The following GPBP1L1 variants were observed in gnomAD, a reference collection of about 807,000 sequenced individuals.
GPBP1L1 encodes the protein vasculin-like protein 1.
In GPBP1L1, 23 loss-of-function variants were observed where a neutral mutation model predicts 52.5. The ratio of observed to expected loss-of-function variants is 0.44; its 90% CI spans 0.32 to 0.62. The LOEUF is 0.62. Ranked by LOEUF, GPBP1L1 falls within the 20% of genes least tolerant of loss-of-function variation. GPBP1L1 has a pLI of 0.06. For synonymous variants in GPBP1L1, 243 were observed against 203.1 expected (o/e 1.20, Z -1.67); for missense variants, 596 against 579.3 (o/e 1.03, Z -0.30).
At chr1:45,638,161 C>T (rs1644620147) in intron 8 of GPBP1L1, among the ~76,000 whole-genome samples, 1 of 152,188 alleles carries the variant, frequency 6.6e-6, no homozygotes, top group Non-Finnish European at 1.5e-5. Context: ...TTTATTCCCA[C>T]ATATTTCTTC....
Position 45,654,642 on chromosome 1 carries a change from G to A in GPBP1L1, c.378C>T (p.Ser126=), listed in dbSNP as rs756642493. 2.0e-5 allele frequency: 33 copies of A among 1,613,958 alleles called. No homozygotes were observed. The highest frequency in any genetic ancestry group is 2.6e-5 in the Non-Finnish European group (31 of 1,180,010). The change falls in exon 6 of 13, where the codon TCC becomes TCT. Residue 126 remains serine (S), a synonymous_variant. Coordinates refer to ENST00000355105, the MANE Select transcript of GPBP1L1 (RefSeq NM_021639.5). ...TTTCCTGAAAAGCACACCCTTTCCG[G>A]GAGTGGAAGCTGCCATTCCAATGGC... ...NHRHWNGSFH[S]RKGCAFQEKP...
chr1:45,642,715 T>C (rs1644689870), intron 6 of GPBP1L1, among the ~76,000 whole-genome samples: 1 of 152,256 alleles, frequency 6.6e-6, no homozygotes, highest in South Asian at 2.1e-4. Context: ...CTCCTGAGTT[T>C]CATTTCCTTT....
intron 6 of GPBP1L1, among the ~76,000 whole-genome samples, chr1:45,645,620 T>TA (rs897735682): frequency 1.3e-5 from 2 of 152,208 alleles, no homozygotes; most frequent in African/African-American, 2.4e-5. Flanking sequence ...AACTCTCTTT[T>TA]AACCCTCATT....
At chr1:45,633,738 A>G in intron 9 of GPBP1L1, 91 bp from the exon 10 acceptor site, 2 of 1,306,914 alleles carry the variant, frequency 1.5e-6, no homozygotes, top group Admixed American at 2.4e-5. Context: ...AGAATCTGGT[A>G]GCCTATTTAT....
intron 10 of GPBP1L1, among the ~76,000 whole-genome samples, chr1:45,631,194 A>G (rs1418380139): frequency 6.6e-6 from 1 of 152,226 alleles, no homozygotes; most frequent in African/African-American, 2.4e-5. Context: ...TAAAACTCCT[A>G]TAAGGATAAC....
At chr1:45,658,424 T>C (rs1644908917) in intron 4 of GPBP1L1, among the ~76,000 whole-genome samples, 1 of 152,056 alleles carries the variant, frequency 6.6e-6, no homozygotes, top group Admixed American at 6.6e-5. Flanking sequence ...AACACTTAAC[T>C]GTGTCATGTA....
chr1:45,641,816 A>T (rs1644678368), intron 7 of GPBP1L1: 1 of 113,564 alleles, frequency 8.8e-6, no homozygotes, highest in African/African-American at 2.8e-5. Flanking sequence ...CTCCATCTCA[A>T]AAAAAAAAAA....
chr1:45,635,674 A>G (rs1428158345), intron 8 of GPBP1L1: 1 of 152,216 alleles, frequency 6.6e-6, no homozygotes, highest in Non-Finnish European at 1.5e-5. Flanking sequence ...ATTAAAGTGA[A>G]TTGTATAACC....
intron 8 of GPBP1L1, among the ~76,000 whole-genome samples, chr1:45,638,433 TTATTTTCCTCAAC>T (rs1014452369): frequency 1.3e-5 from 2 of 152,208 alleles, no homozygotes; most frequent in Non-Finnish European, 2.9e-5. Context: ...TTTTTCTCAG[TTATTTTCCTCAAC>T]TTGTTACCCC....
chr1:45,673,206 G>A (rs1295993431), intron 2 of GPBP1L1, among the ~76,000 whole-genome samples: 1 of 152,154 alleles, frequency 6.6e-6, no homozygotes, highest in Non-Finnish European at 1.5e-5. Context: ...CAGAACACGT[G>A]GGTACTAATG....
intron 8 of GPBP1L1, among the ~76,000 whole-genome samples, chr1:45,637,117 C>G (rs982460608): frequency 9.2e-5 from 14 of 152,194 alleles, no homozygotes; most frequent in Admixed American, 8.5e-4. Context: ...CCTCCCCAGG[C>G]AGAGAAGCAC....
At chr1:45,683,057 G>GT (rs35542665) in intron 2 of GPBP1L1, among the ~76,000 whole-genome samples, 199 of 145,172 alleles carry the variant, frequency 1.4e-3, no homozygotes, top group Non-Finnish European at 1.3e-3. Context: ...TTTCCCATTA[G>GT]TTTTTTTTTT....
intron 2 of GPBP1L1, among the ~76,000 whole-genome samples, chr1:45,680,624 T>C (rs1429073882): frequency 6.6e-6 from 1 of 152,050 alleles, no homozygotes; most frequent in East Asian, 1.9e-4. Context: ...CCAATGCAAA[T>C]ATTAATTTTT....
chr1:45,648,984 C>T (rs1176058352), intron 6 of GPBP1L1, among the ~76,000 whole-genome samples: 3 of 152,192 alleles, frequency 2.0e-5, no homozygotes, highest in Admixed American at 6.5e-5. Context: ...GAGCCAAGAT[C>T]GCGCCATTGC....
At chr1:45,665,853 A>C (rs1401537246) in intron 2 of GPBP1L1, among the ~76,000 whole-genome samples, 1 of 151,792 alleles carries the variant, frequency 6.6e-6, no homozygotes, top group Non-Finnish European at 1.5e-5. Context: ...TCTCTAACTT[A>C]AAAAACTAAT....
chr1:45,685,156 AAAT>A lies in GPBP1L1; in HGVS notation c.-1098+417_-1098+419del, dbSNP rs1010677637. Among the ~76,000 whole-genome samples, 63 of 152,296 alleles carry A rather than the reference AAAT, an allele frequency of 4.1e-4. 1 individual carries two copies. The highest frequency in any genetic ancestry group is 1.4e-3 in the African/African-American group (60 of 41,574). On this transcript the variant is annotated intron_variant, in intron 2 of 12. Coordinates refer to ENST00000355105, the MANE Select transcript of GPBP1L1 (RefSeq NM_021639.5). ...ACCTAAAGTATGTTTTCACTTGTTA[AAAT>A]GTCTTACACTATTCTAGTAAATATC...
chr1:45,634,180 G>A lies in GPBP1L1; in HGVS notation c.801C>T (p.Ser267=), dbSNP rs768010571. The A allele has an allele frequency of 1.7e-5, 28 of 1,613,750 alleles. No individual in the cohort carries two copies. The highest frequency in any genetic ancestry group is 2.1e-5 in the Non-Finnish European group (25 of 1,179,798). The change falls in exon 9 of 13, where the codon AGC becomes AGT. Residue 267 remains serine (S), a synonymous_variant. Coordinates refer to ENST00000355105, the MANE Select transcript of GPBP1L1 (RefSeq NM_021639.5). The part of the protein sequence containing the change: ...MEHKSGSLSS[S]RESAFTSPIS... ...TTGGACTGGTAAAAGCAGACTCCCG[G>A]CTAGAGGAAAGGGATCCTGACTTGT...
intron 8 of GPBP1L1, among the ~76,000 whole-genome samples, chr1:45,636,174 G>A (rs1644591480): frequency 6.6e-6 from 1 of 152,112 alleles, no homozygotes; most frequent in South Asian, 2.1e-4. Context: ...TGGGAAATGC[G>A]ATATTGCTCA....
rs112294291 is a variant in GPBP1L1, at chr1:45,653,694, T to C, written c.477+849A>G. 1.0e-3 allele frequency among the ~76,000 whole-genome samples: 135 copies of C among 130,958 alleles called. 1 individual carries two copies. Among genetic ancestry groups the C allele is most frequent in the African/African-American group, 3.9e-3 (134 of 34,718 alleles). 85.9% of individuals were successfully genotyped at this position (130,958 alleles called of 152,430 possible). A position where few individuals can be genotyped will look rare whatever the true frequency, so the allele number is the denominator to read the frequency against. On this transcript the variant is annotated intron_variant, in intron 6 of 12. Coordinates refer to ENST00000355105, the MANE Select transcript of GPBP1L1 (RefSeq NM_021639.5). ...ATACTGATTTGTTAAAATGATAATCTTTTTTTTCTTTTTTTTTTTTTTGAG... is the reference window on the plus strand; with the variant it reads ...ATACTGATTTGTTAAAATGATAATCCTTTTTTTCTTTTTTTTTTTTTTGAG...
Sources: allele counts gnomAD v4.1 joint callset (sites outside exome capture counted in the v4.1 genomes callset), GRCh38; gene constraint gnomAD v4.1.1; transcripts MANE v1.5; gene names NCBI Gene and HGNC (gene_info 2026-07-23, HGNC 2026-07-21).